MECOM: variants seen among roughly 807,000 people sequenced by gnomAD.
The protein encoded by MECOM is MDS1 and EVI1 complex locus.
A neutral mutation model predicts 116.3 loss-of-function variants in MECOM; 13 were observed. The observed-to-expected ratio is 0.11, with a 90% CI of 0.07 to 0.18. The LOEUF is 0.18. MECOM is among the 10% of genes least tolerant of loss of function. The pLI is 1.00. For synonymous variants in MECOM, 528 were observed against 535.2 expected, an observed-to-expected ratio of 0.99 and a Z score of 0.19; for missense variants, 1,299 against 1,509.0, an observed-to-expected ratio of 0.86 and a Z score of 2.31.
Position 169,591,118 on chromosome 3 carries a change from T to G in MECOM, c.37+72218A>C, listed in dbSNP as rs1766351943. ...GGAAAGGCACAGTACAAGAATGACA[T>G]GGAACACTACCTCATCGAGAATAGA... On this transcript the variant is annotated intron_variant, in intron 1 of 16. Coordinates refer to ENST00000651503, the MANE Select transcript of MECOM (RefSeq NM_004991.4). Among the ~76,000 whole-genome samples, 3 of 152,170 alleles carry G rather than the reference T, an allele frequency of 2.0e-5. No individual in the cohort carries two copies. The South Asian group carries it at 6.2e-4, about 32-fold the overall frequency.
At chr3:169,618,197 A>C (rs1457433548) in intron 1 of MECOM, among the ~76,000 whole-genome samples, 1 of 152,178 alleles carries the variant, frequency 6.6e-6, no homozygotes, top group Admixed American at 6.5e-5. Flanking sequence ...TAGAAATAAT[A>C]AGTGACTTGT....
chr3:169,115,403 G>C lies in MECOM; in HGVS notation c.2469C>G (p.Phe823Leu), dbSNP rs751255535. Residue 823 changes from phenylalanine to leucine, a missense_variant, in exon 8 of 17, where the codon TTC becomes TTG. Coordinates refer to ENST00000651503, the MANE Select transcript of MECOM (RefSeq NM_004991.4). Reference sequence around the variant, plus strand: ...CTTACCTGTAAATAGGGTCCATAAAGAAAGGAGTGGGTCTTGCATGCTGCA... The same window carrying C: ...CTTACCTGTAAATAGGGTCCATAAACAAAGGAGTGGGTCTTGCATGCTGCA... Reference protein sequence around the residue: ...GSLQHARPTPFFMDPIYRVEK... With the variant: ...GSLQHARPTPLFMDPIYRVEK... 3.5e-5 allele frequency: 56 copies of C among 1,613,880 alleles called. No individual in the cohort carries two copies. The highest frequency in any genetic ancestry group is 1.6e-4 in the Middle Eastern group (1 of 6,082).
chr3:169,540,523 A>G (rs928424538), intron 1 of MECOM, among the ~76,000 whole-genome samples: 5 of 152,200 alleles, frequency 3.3e-5, no homozygotes, highest in African/African-American at 9.6e-5. Flanking sequence ...AAAAGCTTCT[A>G]GTGCCTTTAA....
At chr3:169,349,578 A>G (rs751903595) in intron 2 of MECOM, among the ~76,000 whole-genome samples, 2 of 151,786 alleles carry the variant, frequency 1.3e-5, no homozygotes, top group Non-Finnish European at 2.9e-5. Context: ...AAATTGCCCC[A>G]CCTCATTTCA....
intron 1 of MECOM, chr3:169,389,594 T>C (rs1045046673): frequency 1.0e-6 from 1 of 985,422 alleles, no homozygotes; most frequent in Non-Finnish European, 1.2e-6. Flanking sequence ...AAGCTTTCTA[T>C]GTCCCCAAAG....
At chr3:169,129,949 T>A (rs368497020) in intron 4 of MECOM, among the ~76,000 whole-genome samples, 10 of 152,330 alleles carry the variant, frequency 6.6e-5, no homozygotes, top group East Asian at 5.8e-4. Flanking sequence ...ATAGTAGGTG[T>A]GCAATACATG....
intron 14 of MECOM, among the ~76,000 whole-genome samples, chr3:169,091,664 G>A (rs769038987): frequency 5.9e-5 from 9 of 151,990 alleles, no homozygotes; most frequent in African/African-American, 2.2e-4. Flanking sequence ...GGCAAGTAAA[G>A]GGAAAGGTAC....
chr3:169,312,665 G>A (rs1232792330), intron 2 of MECOM, among the ~76,000 whole-genome samples: 2 of 152,156 alleles, frequency 1.3e-5, no homozygotes. Flanking sequence ...GGCGTGAGCC[G>A]CCGTGCCTGG....
rs1300022142 is a variant in MECOM, at chr3:169,378,479, AAGAGAGAGAG to A, written c.375+2698_375+2707del. Among the ~76,000 whole-genome samples, 2 of 60,064 alleles carry A rather than the reference AAGAGAGAGAG, an allele frequency of 3.3e-5. 1 individual carries two copies. The highest frequency in any genetic ancestry group is 1.6e-4 in the African/African-American group (2 of 12,232). The allele number at this position is 60,064 out of a possible 152,430, so 39.4% of individuals were successfully genotyped here. A position where few individuals can be genotyped will look rare whatever the true frequency, so the allele number is the denominator to read the frequency against. ...AAAGCAAGCAAGCAAGCAAGCAAGA[AAGAGAGAGAG>A]AAAGAAAGAAAGAAAGAAAGAAAGA... On this transcript the variant is annotated intron_variant, in intron 2 of 16. Transcript: ENST00000651503.
At chr3:169,138,464 T>G (rs1047987555) in intron 3 of MECOM, among the ~76,000 whole-genome samples, 1 of 152,114 alleles carries the variant, frequency 6.6e-6, no homozygotes, top group Non-Finnish European at 1.5e-5. Flanking sequence ...CATCTTCAGG[T>G]GAAGGAAGTA....
At position 169,127,877 on chromosome 3, in the gene MECOM, T is replaced by C. The variant is rs1733422389; in HGVS notation, c.797A>G (p.Lys266Arg). Residue 266 changes from lysine to arginine, a missense_variant, in exon 5 of 17, where the codon AAG becomes AGG. Lys to Arg is a conservative substitution (Grantham distance 26, BLOSUM62 2). Around this residue, in one of 6 missense-constraint regions of MECOM, gnomAD observed 374 missense variants for 433.4 expected, o/e 0.86. Transcript: ENST00000651503. ...ATCAGGAAAAACTTGGTCACATTCC[T>C]TACACTCCTGGATCGTGTGTATCTC... ...LQEIHTIQECKECDQVFPDLQ... is the reference protein window; with the variant it reads ...LQEIHTIQECRECDQVFPDLQ... 2 of 1,614,014 alleles carry C rather than the reference T, an allele frequency of 1.2e-6. No homozygotes were observed. Among genetic ancestry groups the C allele is most frequent in the African/African-American group, 1.3e-5 (1 of 75,050 alleles).
intron 1 of MECOM, among the ~76,000 whole-genome samples, chr3:169,488,845 G>A (rs1474353151): frequency 2.6e-5 from 4 of 151,760 alleles, no homozygotes; most frequent in Non-Finnish European, 5.9e-5. Context: ...AGACTTAAAT[G>A]TTTATACTAG....
At chr3:169,649,978 G>T (rs1429484313) in intron 1 of MECOM, among the ~76,000 whole-genome samples, 1 of 152,180 alleles carries the variant, frequency 6.6e-6, no homozygotes, top group African/African-American at 2.4e-5. Context: ...GTAACCTTCT[G>T]TGTAAAGGAA....
chr3:169,520,325 T>C (rs956260979), intron 1 of MECOM, among the ~76,000 whole-genome samples: 2 of 152,192 alleles, frequency 1.3e-5, no homozygotes, highest in Non-Finnish European at 2.9e-5. Context: ...CAAACACAAG[T>C]GTCCTGATGA....
At chr3:169,459,885 G>A (rs1025054543) in intron 1 of MECOM, among the ~76,000 whole-genome samples, 2 of 152,204 alleles carry the variant, frequency 1.3e-5, no homozygotes, top group African/African-American at 4.8e-5. Context: ...GTGCTAGGCA[G>A]TGGAGAAGCA....
chr3:169,208,244 T>C lies in MECOM; in HGVS notation c.376-64412A>G, dbSNP rs1418493467. ...GTGTGTGTGTATATTTATATATGTGTGTAAATATACAATATATAATGTATA... is the reference window on the plus strand; with the variant it reads ...GTGTGTGTGTATATTTATATATGTGCGTAAATATACAATATATAATGTATA... On this transcript the variant is annotated intron_variant, in intron 2 of 16. Transcript: ENST00000651503. Among the ~76,000 whole-genome samples the C allele has an allele frequency of 1.5e-4, 23 of 149,690 alleles. No homozygotes were observed. In the Admixed American group the frequency reaches 1.5e-3, roughly 10 times the overall value.
intron 2 of MECOM, among the ~76,000 whole-genome samples, chr3:169,326,876 C>T (rs1054086508): frequency 6.6e-6 from 1 of 152,124 alleles, no homozygotes; most frequent in African/African-American, 2.4e-5. Flanking sequence ...GCAGAGGGTT[C>T]AAGTCATTGT....
At chr3:169,228,629 A>G (rs900006029) in intron 2 of MECOM, among the ~76,000 whole-genome samples, 3 of 152,206 alleles carry the variant, frequency 2.0e-5, no homozygotes, top group African/African-American at 7.2e-5. Flanking sequence ...ATGACATTAC[A>G]ATTAACCTCA....
intron 2 of MECOM, among the ~76,000 whole-genome samples, chr3:169,186,797 T>C (rs1477807899): frequency 6.6e-6 from 1 of 151,968 alleles, no homozygotes; most frequent in Non-Finnish European, 1.5e-5. Flanking sequence ...AATAAAGTGA[T>C]GATTGGGGAT....
Sources: allele counts gnomAD v4.1 joint callset (sites outside exome capture counted in the v4.1 genomes callset), GRCh38; gene constraint gnomAD v4.1.1; regional missense constraint gnomAD v4.1.1; transcripts MANE v1.5; gene names NCBI Gene and HGNC (gene_info 2026-07-23, HGNC 2026-07-21).